DBX2: variants seen among roughly 807,000 people sequenced by gnomAD.
The protein encoded by DBX2 is developing brain homeobox 2.
In DBX2, 16 loss-of-function variants were observed where a neutral mutation model predicts 17.7. The observed-to-expected ratio is 0.90, with a 90% CI of 0.61 to 1.37. The LOEUF is 1.37. Ranked by LOEUF, DBX2 falls within the 40% of genes most tolerant of loss-of-function variation. The probability of loss-of-function intolerance (pLI) is 0.00; values close to 1 mark genes in which losing one functional copy is unlikely to be tolerated. For synonymous variants in DBX2, 255 were observed against 183.8 expected, an observed-to-expected ratio of 1.39 and a Z score of -3.13; for missense variants, 538 against 433.8, an observed-to-expected ratio of 1.24 and a Z score of -2.13.
intron 1 of DBX2, among the ~76,000 whole-genome samples, chr12:45,049,327 A>C (rs1399303995): frequency 6.6e-6 from 1 of 152,192 alleles, no homozygotes; most frequent in African/African-American, 2.4e-5. Flanking sequence ...CTAATACTTC[A>C]AAAAGAACAG....
At chr12:45,048,286 G>A (rs1565587858) in intron 1 of DBX2, among the ~76,000 whole-genome samples, 1 of 152,082 alleles carries the variant, frequency 6.6e-6, no homozygotes, top group African/African-American at 2.4e-5. Flanking sequence ...GAAAAAAGGG[G>A]GTAGTCAACA....
chr12:45,016,148 G>C lies in DBX2; in HGVS notation c.*138C>G. ...GCCAAACAAGAGAACACTAGAGTGG[G>C]TTTCCTAAAGCATTAGTTCATACAT... On this transcript the variant is annotated 3_prime_UTR_variant, in exon 4 of 4. Coordinates refer to ENST00000332700, the MANE Select transcript of DBX2 (RefSeq NM_001004329.3). 1.1e-6 allele frequency: 1 copy of C among 888,706 alleles called. No individual in the cohort carries two copies. Among genetic ancestry groups the C allele is most frequent in the Non-Finnish European group, 1.6e-6 (1 of 621,276 alleles). The allele number at this position is 888,706 out of a possible 1,614,324, so 55.1% of individuals were successfully genotyped here.
chr12:45,020,074 C>T (rs1475437096), intron 3 of DBX2, among the ~76,000 whole-genome samples: 1 of 152,100 alleles, frequency 6.6e-6, no homozygotes, highest in Admixed American at 6.6e-5. Context: ...ATACAATTCA[C>T]CCATTTAAAA....
chr12:45,027,289 C>A (rs1300897246), intron 2 of DBX2, among the ~76,000 whole-genome samples: 1 of 152,182 alleles, frequency 6.6e-6, no homozygotes, highest in African/African-American at 2.4e-5. Flanking sequence ...TCATATGCCA[C>A]AGATATCCCT....
intron 3 of DBX2, among the ~76,000 whole-genome samples, chr12:45,018,903 GC>G (rs1219465427): frequency 6.6e-6 from 1 of 151,664 alleles, no homozygotes; most frequent in Non-Finnish European, 1.5e-5. Flanking sequence ...AAGTACAAAT[GC>G]CATATTACTC....
At chr12:45,034,552 T>A (rs1386043450) in intron 2 of DBX2, among the ~76,000 whole-genome samples, 2 of 152,172 alleles carry the variant, frequency 1.3e-5, no homozygotes, top group Non-Finnish European at 2.9e-5. Flanking sequence ...AATTAATAGG[T>A]CACTTCCAAA....
At chr12:45,043,986 T>C (rs973066258) in intron 1 of DBX2, among the ~76,000 whole-genome samples, 1 of 152,234 alleles carries the variant, frequency 6.6e-6, no homozygotes, top group Non-Finnish European at 1.5e-5. Flanking sequence ...CTGAAGACCT[T>C]GAATCTAGAC....
intron 3 of DBX2, among the ~76,000 whole-genome samples, chr12:45,017,219 T>G (rs1946328925): frequency 1.3e-5 from 2 of 152,242 alleles, no homozygotes; most frequent in South Asian, 2.1e-4. Context: ...TCATCTAGTC[T>G]GTGCTGAATT....
rs1290165529 is a variant in DBX2 at position 45,015,715 on chromosome 12, G to A, written c.*571C>T. ...ATATTCTCAGTGTATGTATCTAGCA[G>A]TGGCTCATTTGTTGAGGACTGCTGA... On this transcript the variant is annotated 3_prime_UTR_variant, in exon 4 of 4. Transcript: ENST00000332700. The A allele has an allele frequency of 2.6e-5, 4 of 152,172 alleles. No individual in the cohort carries two copies. Among genetic ancestry groups the A allele is most frequent in the African/African-American group, 9.7e-5 (4 of 41,444 alleles). The allele number at this position is 152,172 out of a possible 1,614,324, so 9.4% of individuals were successfully genotyped here.
chr12:45,033,396 C>A (rs1405268351), intron 2 of DBX2, among the ~76,000 whole-genome samples: 2 of 152,002 alleles, frequency 1.3e-5, no homozygotes, highest in African/African-American at 4.8e-5. Context: ...AGTACATTTT[C>A]CTTTGCTTGT....
chr12:45,032,112 A>C (rs1946413853), intron 2 of DBX2, among the ~76,000 whole-genome samples: 1 of 151,918 alleles, frequency 6.6e-6, no homozygotes, highest in Admixed American at 6.6e-5. Context: ...AGAACTGCTG[A>C]ATAGAGCCAT....
intron 3 of DBX2, among the ~76,000 whole-genome samples, chr12:45,018,492 T>C (rs977962095): frequency 3.2e-4 from 49 of 151,982 alleles, no homozygotes; most frequent in African/African-American, 1.1e-3. Flanking sequence ...ACTGCAAAAG[T>C]TTTAAAAGAA....
intron 1 of DBX2, among the ~76,000 whole-genome samples, chr12:45,047,358 G>T (rs115650828): frequency 2.0e-5 from 3 of 152,018 alleles, no homozygotes; most frequent in Non-Finnish European, 4.4e-5. Context: ...TTTTTCAGAT[G>T]TAAGCCCTGG....
chr12:45,019,638 A>G (rs1946341180), intron 3 of DBX2, among the ~76,000 whole-genome samples: 1 of 152,136 alleles, frequency 6.6e-6, no homozygotes, highest in Admixed American at 6.5e-5. Flanking sequence ...TTTAAAGTGC[A>G]TAAAAATTTG....
rs931488140 is a variant in DBX2 at position 45,051,020 on chromosome 12, G to A, written c.-93C>T. The A allele has an allele frequency of 1.9e-5, 24 of 1,296,654 alleles. No individual in the cohort carries two copies. The highest frequency in any genetic ancestry group is 9.4e-5 in the African/African-American group (6 of 64,016). The allele number at this position is 1,296,654 out of a possible 1,614,324, so 80.3% of individuals were successfully genotyped here. A position where few individuals can be genotyped will look rare whatever the true frequency, so the allele number is the denominator to read the frequency against. Reference sequence around the variant, plus strand: ...GCACCCAGAGCCGCAGCTTCTCGCCGCCGCCTCCCGCAGGGCTGGAGCGCG... The same window carrying A: ...GCACCCAGAGCCGCAGCTTCTCGCCACCGCCTCCCGCAGGGCTGGAGCGCG... On this transcript the variant is annotated 5_prime_UTR_variant, in exon 1 of 4. Transcript: ENST00000332700.
rs1208137597 is a variant in DBX2 at position 45,050,604 on chromosome 12, G to A, written c.324C>T (p.Leu108=). 2 of 1,551,162 alleles carry A rather than the reference G, an allele frequency of 1.3e-6. No individual in the cohort carries two copies. Among genetic ancestry groups the A allele is most frequent in the Admixed American group, 2.0e-5 (1 of 51,166 alleles). ...PYGTRWAFQV[L]SPSADSARLP... is the part of the protein sequence containing the mutation. ...GCCTCGCACTGTCCGCAGAGGGACT[G>A]AGCACTTGAAAAGCCCACCGCGTTC... Residue 108 remains leucine (L), a synonymous_variant, in exon 1 of 4, where the codon CTC becomes CTT. Coordinates refer to ENST00000332700, the MANE Select transcript of DBX2 (RefSeq NM_001004329.3).
chr12:45,021,178 T>C (rs986173192), intron 3 of DBX2, among the ~76,000 whole-genome samples: 1 of 152,214 alleles, frequency 6.6e-6, no homozygotes, highest in African/African-American at 2.4e-5. Context: ...ATTTGTGTAA[T>C]GGATATATTT....
At chr12:45,039,111 T>C (rs1237053711) in intron 1 of DBX2, among the ~76,000 whole-genome samples, 1 of 151,248 alleles carries the variant, frequency 6.6e-6, no homozygotes, top group Non-Finnish European at 1.5e-5. Flanking sequence ...ACATCTTGTT[T>C]AAGCTGGTTT....
chr12:45,024,605 C>A (rs1946371637), intron 2 of DBX2, among the ~76,000 whole-genome samples: 1 of 152,080 alleles, frequency 6.6e-6, no homozygotes, highest in South Asian at 2.1e-4. Flanking sequence ...TTCATTTTTT[C>A]AACAAAATTT....
Sources: gnomAD v4.1 joint callset for allele counts (sites outside exome capture counted in the v4.1 genomes callset) on GRCh38, gnomAD v4.1.1 for gene constraint, MANE v1.5 for transcripts, NCBI Gene and HGNC (gene_info 2026-07-23, HGNC 2026-07-21) for gene names.